ERBB4: variants seen among roughly 807,000 people sequenced by gnomAD.
The protein encoded by ERBB4 is receptor tyrosine-protein kinase erbB-4.
Under a neutral mutation model 158.0 loss-of-function variants are expected in ERBB4, and 42 were observed. The ratio of observed to expected loss-of-function variants is 0.27; its 90% CI spans 0.21 to 0.34. ERBB4 has a LOEUF of 0.34. Among genes scored for constraint, ERBB4 ranks in the 10% least tolerant of loss-of-function variants. The pLI is 1.00. For missense variants in ERBB4, 1,333 were observed against 1,624.1 expected, an observed-to-expected ratio of 0.82 and a Z score of 3.08; for synonymous variants, 583 against 558.7, an observed-to-expected ratio of 1.04 and a Z score of -0.61.
At chr2:211,774,532 A>C (rs2075824587) in intron 4 of ERBB4, among the ~76,000 whole-genome samples, 1 of 152,166 alleles carries the variant, frequency 6.6e-6, no homozygotes, top group Non-Finnish European at 1.5e-5. Flanking sequence ...AAAGTAAAGC[A>C]CAGCTGAACC....
chr2:211,526,872 C>T (rs780440861), intron 20 of ERBB4, among the ~76,000 whole-genome samples: 3 of 151,954 alleles, frequency 2.0e-5, no homozygotes, highest in Non-Finnish European at 4.4e-5. Flanking sequence ...AGCTTGAAGA[C>T]ACACTTTTTG....
chr2:212,013,861 A>G (rs2076448679), intron 2 of ERBB4, among the ~76,000 whole-genome samples: 1 of 152,186 alleles, frequency 6.6e-6, no homozygotes, highest in African/African-American at 2.4e-5. Context: ...CCCTGCCAAC[A>G]CTTTGATTTG....
intron 3 of ERBB4, among the ~76,000 whole-genome samples, chr2:211,878,652 G>GTTTTTTTTTTT (rs150312098): frequency 2.0e-5 from 2 of 99,146 alleles, no homozygotes; most frequent in Non-Finnish European, 2.0e-5. Flanking sequence ...GACAAATTAA[G>GTTTTTTTTTTT]TTTTGTTTTT....
In ERBB4 at chr2:212,003,195, AAG is replaced by A. The variant is rs1429172931; in HGVS notation, c.235-55581_235-55580del. On this transcript the variant is annotated intron_variant, in intron 2 of 27. Transcript: ENST00000342788. ...AAAGAAAGAAAGAAAGAAAGAAAGA[AAG>A]AAAGAAAGACAGAAAGAAGGAAGGA... is the stretch of plus-strand genomic sequence containing the variant. Among the ~76,000 whole-genome samples, 118 of 67,166 alleles carry A rather than the reference AAG, an allele frequency of 1.8e-3. 1 individual carries two copies. The highest frequency in any genetic ancestry group is 4.6e-3 in the African/African-American group (111 of 24,000). The allele number at this position is 67,166 out of a possible 152,430, so 44.1% of individuals were successfully genotyped here. A position where few individuals can be genotyped will look rare whatever the true frequency, so the allele number is the denominator to read the frequency against.
intron 19 of ERBB4, among the ~76,000 whole-genome samples, chr2:211,581,630 A>T (rs1244353567): frequency 6.6e-6 from 1 of 152,080 alleles, no homozygotes; most frequent in Non-Finnish European, 1.5e-5. Flanking sequence ...GCTTCTAGGC[A>T]CTGCTCTTTC....
rs1262141694 is a variant in ERBB4, at chr2:211,623,008, T to G, written c.2202+914A>C. On this transcript the variant is annotated intron_variant, in intron 18 of 27. Transcript: ENST00000342788. ...AAAAAAAAATATATATATATATATA[T>G]ATATATATATATATATATATATATA... Among the ~76,000 whole-genome samples the G allele has an allele frequency of 2.7e-3, 98 of 35,930 alleles. 3 individuals are homozygous for G. The highest frequency in any genetic ancestry group is 3.5e-3 in the Non-Finnish European group (78 of 22,024). The allele number at this position is 35,930 out of a possible 152,430, so 23.6% of individuals were successfully genotyped here.
In ERBB4 at chr2:211,420,461, C is replaced by T. The variant is rs1398681951; in HGVS notation, c.3115G>A (p.Ala1039Thr). Reference sequence around the variant, plus strand: ...CTTACCCTATTCGAGTCAATTCTTGCTCTGGAAGTATAGATGGGAGGTGGG... The same window carrying T: ...CTTACCCTATTCGAGTCAATTCTTGTTCTGGAAGTATAGATGGGAGGTGGG... ...NIPPPIYTSR[A>T]RIDSNRSEIG... Residue 1039 changes from alanine (A) to threonine (T), a missense_variant, in exon 25 of 28, where the codon GCA becomes ACA. Coordinates refer to ENST00000342788, the MANE Select transcript of ERBB4 (RefSeq NM_005235.3). The T allele has an allele frequency of 1.2e-6, 2 of 1,611,662 alleles. No homozygotes were observed. Among genetic ancestry groups the T allele is most frequent in the Non-Finnish European group, 8.5e-7 (1 of 1,178,294 alleles).
chr2:211,398,602 G>A (rs1041318343), intron 25 of ERBB4, among the ~76,000 whole-genome samples: 1 of 152,058 alleles, frequency 6.6e-6, no homozygotes, highest in African/African-American at 2.4e-5. Context: ...CAGCACTTTG[G>A]GAGGCCGAGG....
chr2:212,115,185 G>A (rs1364872615), intron 2 of ERBB4, among the ~76,000 whole-genome samples: 3 of 151,240 alleles, frequency 2.0e-5, no homozygotes, highest in South Asian at 2.1e-4. Context: ...TAGAGATCAG[G>A]AGAAATAATT....
chr2:211,720,500 C>T (rs577399957), intron 7 of ERBB4, among the ~76,000 whole-genome samples: 30 of 152,288 alleles, frequency 2.0e-4, no homozygotes, highest in African/African-American at 6.0e-4. Flanking sequence ...AAAGATTTAA[C>T]GCCATGTCTT....
intron 3 of ERBB4, among the ~76,000 whole-genome samples, chr2:211,815,044 C>A (rs528943251): frequency 9.2e-5 from 14 of 152,162 alleles, no homozygotes; most frequent in Admixed American, 3.9e-4. Flanking sequence ...TTTTTCCTCT[C>A]AAAAGGCTTC....
chr2:211,578,981 C>G (rs765626171), intron 19 of ERBB4, among the ~76,000 whole-genome samples: 1 of 152,194 alleles, frequency 6.6e-6, no homozygotes, highest in South Asian at 2.1e-4. Context: ...ATCTTCTGCA[C>G]AGCCAAAGAA....
At chr2:212,458,910 T>C (rs971157931) in intron 1 of ERBB4, among the ~76,000 whole-genome samples, 2 of 152,204 alleles carry the variant, frequency 1.3e-5, no homozygotes, top group Admixed American at 6.5e-5. Flanking sequence ...TTTGGACCCA[T>C]TGTGTAGCAC....
rs1256631062 is a variant in ERBB4, at chr2:211,946,631, C to T, written c.421+799G>A. On this transcript the variant is annotated intron_variant, in intron 3 of 27. Coordinates refer to ENST00000342788, the MANE Select transcript of ERBB4 (RefSeq NM_005235.3). ...GAGATGGAGTTTCGCTGTTGTTGCC[C>T]AGGGTAGAGAGCAATGGTGCGATCT... Among the ~76,000 whole-genome samples the T allele has an allele frequency of 2.6e-5, 3 of 114,578 alleles. No homozygotes were observed. In the Admixed American group the frequency reaches 3.6e-4, roughly 14 times the overall value. 75.2% of individuals were successfully genotyped at this position (114,578 alleles called of 152,430 possible).
intron 3 of ERBB4, among the ~76,000 whole-genome samples, chr2:211,894,306 C>G (rs1474217530): frequency 6.8e-6 from 1 of 147,618 alleles, no homozygotes. Context: ...TAAACTATCA[C>G]AAGAACAAAA....
intron 3 of ERBB4, among the ~76,000 whole-genome samples, chr2:211,866,061 C>T (rs1478969599): frequency 6.6e-6 from 1 of 152,148 alleles, no homozygotes; most frequent in African/African-American, 2.4e-5. Context: ...ACCATCCTGG[C>T]TAACACAGTG....
chr2:212,239,289 T>A (rs1325391117), intron 1 of ERBB4, among the ~76,000 whole-genome samples: 1 of 152,216 alleles, frequency 6.6e-6, no homozygotes, highest in African/African-American at 2.4e-5. Flanking sequence ...ATAATCCTCC[T>A]GTCTCAGCAT....
chr2:212,340,678 G>T (rs960456454), intron 1 of ERBB4, among the ~76,000 whole-genome samples: 1 of 152,156 alleles, frequency 6.6e-6, no homozygotes, highest in African/African-American at 2.4e-5. Context: ...CCCAGGTAAT[G>T]CGAGCTATGG....
intron 2 of ERBB4, among the ~76,000 whole-genome samples, chr2:211,982,604 CA>C (rs2081833281): frequency 6.6e-6 from 1 of 152,088 alleles, no homozygotes; most frequent in Non-Finnish European, 1.5e-5. Context: ...AGACTTTGGA[CA>C]AAAGGAATAC....
Sources: gnomAD v4.1 joint callset for allele counts (sites outside exome capture counted in the v4.1 genomes callset) on GRCh38, gnomAD v4.1.1 for gene constraint, MANE v1.5 for transcripts, NCBI Gene and HGNC (gene_info 2026-07-23, HGNC 2026-07-21) for gene names.